The following THSD4 variants were observed in gnomAD, a reference collection of about 807,000 sequenced individuals.
THSD4 encodes the protein thrombospondin type 1 domain containing 4.
A neutral mutation model predicts 119.0 loss-of-function variants in THSD4; 69 were observed. The ratio of observed to expected loss-of-function variants is 0.58; its 90% confidence interval spans 0.48 to 0.71. The LOEUF is 0.71. Ranked by LOEUF, THSD4 falls within the 30% of genes least tolerant of loss-of-function variation. The pLI is 0.00. For missense variants in THSD4, 1,393 were observed against 1,391.1 expected, an observed-to-expected ratio of 1.00 and a Z score of -0.02; for synonymous variants, 524 against 540.4, an observed-to-expected ratio of 0.97 and a Z score of 0.42.
chr15:71,691,059 A>G (rs1369392414), intron 8 of THSD4, among the ~76,000 whole-genome samples: 1 of 152,228 alleles, frequency 6.6e-6, no homozygotes, highest in Non-Finnish European at 1.5e-5. Context: ...TAGAAGGGGC[A>G]GGACGAAGAG....
intron 6 of THSD4, among the ~76,000 whole-genome samples, chr15:71,375,305 C>A (rs928886559): frequency 1.3e-5 from 2 of 152,204 alleles, no homozygotes; most frequent in African/African-American, 4.8e-5. Context: ...CTCCCTCTTC[C>A]TGACAACTTC....
chr15:71,384,392 A>AC (rs1210259728), intron 6 of THSD4, among the ~76,000 whole-genome samples: 9 of 152,120 alleles, frequency 5.9e-5, no homozygotes, highest in African/African-American at 1.9e-4. Context: ...CAAAAAAAAA[A>AC]CAAAAACATG....
chr15:71,576,598 T>C lies in THSD4; in HGVS notation c.1153-83932T>C, dbSNP rs533595858. Among the ~76,000 whole-genome samples the C allele has an allele frequency of 2.6e-5, 4 of 152,342 alleles. No individual in the cohort carries two copies. The South Asian group carries it at 8.3e-4, about 32-fold the overall frequency. ...TTAGGACAGTCATGTACATAGTACATACTATGAAATTATGTCAGTTTGATT... is the reference window on the plus strand; with the variant it reads ...TTAGGACAGTCATGTACATAGTACACACTATGAAATTATGTCAGTTTGATT... On this transcript the variant is annotated intron_variant, in intron 7 of 17. Transcript: ENST00000261862.
At chr15:71,362,973 A>G (rs1364580926) in intron 6 of THSD4, among the ~76,000 whole-genome samples, 2 of 40,868 alleles carry the variant, frequency 4.9e-5, no homozygotes, top group Non-Finnish European at 1.0e-4. Context: ...GATGAGCTAA[A>G]AAAAAAAAAA....
At chr15:71,245,985 G>A (rs2044196383) in intron 5 of THSD4, among the ~76,000 whole-genome samples, 1 of 152,008 alleles carries the variant, frequency 6.6e-6, no homozygotes, top group African/African-American at 2.4e-5. Flanking sequence ...ACCTCATGTA[G>A]ACATTTATCT....
chr15:71,765,790 CTGTG>C (rs59012463), intron 16 of THSD4, among the ~76,000 whole-genome samples: 9,633 of 146,196 alleles, frequency 0.066, 377 homozygotes, highest in East Asian at 0.13. Flanking sequence ...CACACACTCT[CTGTG>C]TGTGTGTGTG....
intron 7 of THSD4, among the ~76,000 whole-genome samples, chr15:71,546,006 T>C (rs1054445537): frequency 5.9e-5 from 9 of 152,330 alleles, no homozygotes; most frequent in Admixed American, 4.6e-4. Context: ...CTGATACTTA[T>C]TTCAGATCAA....
intron 8 of THSD4, among the ~76,000 whole-genome samples, chr15:71,678,631 T>C (rs1567096429): frequency 6.6e-6 from 1 of 152,220 alleles, no homozygotes; most frequent in East Asian, 1.9e-4. Context: ...AAGCCTCCTT[T>C]CTCCCTCTCA....
intron 7 of THSD4, among the ~76,000 whole-genome samples, chr15:71,531,829 A>C (rs2140815253): frequency 6.6e-6 from 1 of 152,280 alleles, no homozygotes; most frequent in African/African-American, 2.4e-5. Flanking sequence ...CAAATAAGAG[A>C]AGCAGAAACT....
intron 6 of THSD4, among the ~76,000 whole-genome samples, chr15:71,325,653 G>C (rs1433634448): frequency 2.6e-5 from 4 of 152,194 alleles, no homozygotes; most frequent in African/African-American, 9.7e-5. Context: ...CCACATTTGT[G>C]CAATGGACTG....
At position 71,490,239 on chromosome 15, in the gene THSD4, A is replaced by T. The variant is rs1049910216; in HGVS notation, c.1152+78416A>T. On this transcript the variant is annotated intron_variant, in intron 7 of 17. Transcript: ENST00000261862. Reference sequence around the variant, plus strand: ...CAGGAGTTCGAGACCAGTCTGGCCAACACAGTGAAGTCTCATCTCTACTAA... The same window carrying T: ...CAGGAGTTCGAGACCAGTCTGGCCATCACAGTGAAGTCTCATCTCTACTAA... Among the ~76,000 whole-genome samples, 9 of 152,134 alleles carry T rather than the reference A, an allele frequency of 5.9e-5. No individual in the cohort carries two copies. In the East Asian group the frequency reaches 1.2e-3, roughly 20 times the overall value.
At chr15:71,600,120 A>G (rs529146035) in intron 7 of THSD4, among the ~76,000 whole-genome samples, 1 of 152,364 alleles carries the variant, frequency 6.6e-6, no homozygotes, top group South Asian at 2.1e-4. Flanking sequence ...ATTCTGCAGC[A>G]TTCCGTGGGG....
intron 7 of THSD4, among the ~76,000 whole-genome samples, chr15:71,542,533 T>A (rs867915345): frequency 6.6e-6 from 1 of 152,228 alleles, no homozygotes; most frequent in Admixed American, 6.5e-5. Flanking sequence ...TCTATAGTAT[T>A]CTTCGTAAAA....
chr15:71,767,845 A>T (rs2053740572), intron 16 of THSD4, among the ~76,000 whole-genome samples: 1 of 152,210 alleles, frequency 6.6e-6, no homozygotes, highest in East Asian at 1.9e-4. Flanking sequence ...GGAAGTTCTT[A>T]AACACAACAG....
At chr15:71,338,588 CAG>C (rs2045519536) in intron 6 of THSD4, among the ~76,000 whole-genome samples, 1 of 152,078 alleles carries the variant, frequency 6.6e-6, no homozygotes, top group Admixed American at 6.6e-5. Flanking sequence ...AGGTAGTTGA[CAG>C]AGGAGTTACA....
intron 6 of THSD4, among the ~76,000 whole-genome samples, chr15:71,378,855 C>T (rs1746726952): frequency 6.6e-6 from 1 of 152,180 alleles, no homozygotes; most frequent in African/African-American, 2.4e-5. Flanking sequence ...GTGCTCATGG[C>T]TCACTGCAGC....
intron 6 of THSD4, among the ~76,000 whole-genome samples, chr15:71,350,200 G>C (rs942585595): frequency 6.7e-6 from 1 of 148,372 alleles, no homozygotes; most frequent in Non-Finnish European, 1.5e-5. Flanking sequence ...ATATATTAAT[G>C]TAAACTTCAT....
intron 1 of THSD4, among the ~76,000 whole-genome samples, chr15:71,127,333 G>T (rs1477523611): frequency 6.6e-6 from 1 of 152,186 alleles, no homozygotes; most frequent in Non-Finnish European, 1.5e-5. Flanking sequence ...CACATAGATT[G>T]ATTCCATGAC....
intron 8 of THSD4, among the ~76,000 whole-genome samples, chr15:71,695,040 G>A (rs151073529): frequency 2.0e-5 from 3 of 152,166 alleles, no homozygotes; most frequent in East Asian, 3.9e-4. Flanking sequence ...GTCTCCTCAC[G>A]GCCCTCTTTC....
Sources: gnomAD v4.1 joint callset for allele counts (sites outside exome capture counted in the v4.1 genomes callset) on GRCh38, gnomAD v4.1.1 for gene constraint, MANE v1.5 for transcripts, NCBI Gene and HGNC (gene_info 2026-07-23, HGNC 2026-07-21) for gene names.